Variants in MYCBP2 observed in about 807,000 individuals in gnomAD.
MYCBP2 encodes E3 ubiquitin-protein ligase MYCBP2.
Under a neutral mutation model 525.3 loss-of-function variants are expected in MYCBP2, and 120 were observed. That is an observed-to-expected ratio of 0.23 (90% CI 0.20 to 0.27). The LOEUF is 0.27. Among genes scored for constraint, MYCBP2 ranks in the 10% least tolerant of loss-of-function variants. The pLI, the probability that MYCBP2 is intolerant of heterozygous loss-of-function variation, is 1.00. For synonymous variants in MYCBP2, 1,894 were observed against 1,955.8 expected (o/e 0.97, Z 0.83); for missense variants, 4,149 against 5,657.1 (o/e 0.73, Z 8.55).
intron 55 of MYCBP2, among the ~76,000 whole-genome samples, chr13:77,103,015 C>A (rs918942411): frequency 1.3e-5 from 2 of 151,760 alleles, no homozygotes; most frequent in Non-Finnish European, 2.9e-5. Flanking sequence ...TGCATAGCTA[C>A]TGGGATAATC....
At chr13:77,060,035 T>C (rs891714176) in intron 76 of MYCBP2, among the ~76,000 whole-genome samples, 1 of 152,118 alleles carries the variant, frequency 6.6e-6, no homozygotes, top group African/African-American at 2.4e-5. Flanking sequence ...TTATAAGGCA[T>C]GGTATAAAGC....
At chr13:77,264,215 T>A (rs189568507) in intron 8 of MYCBP2, among the ~76,000 whole-genome samples, 10 of 152,166 alleles carry the variant, frequency 6.6e-5, no homozygotes. Flanking sequence ...AAATCTTCCA[T>A]AACCAAGGAC....
At chr13:77,050,903 G>A in intron 82 of MYCBP2, 94 bp downstream of exon 82, 1 of 1,125,664 alleles carries the variant, frequency 8.9e-7, no homozygotes, top group Non-Finnish European at 1.3e-6. Context: ...TTTGAATTGA[G>A]TTTCTGTCAC....
At chr13:77,303,420 ATTCTT>A (rs1168128600) in intron 1 of MYCBP2, among the ~76,000 whole-genome samples, 1 of 152,230 alleles carries the variant, frequency 6.6e-6, no homozygotes, top group Non-Finnish European at 1.5e-5. Context: ...TAGAATACAT[ATTCTT>A]TTCAAGTGCA....
At chr13:77,117,031 C>T (rs989866339) in intron 55 of MYCBP2, among the ~76,000 whole-genome samples, 1 of 151,936 alleles carries the variant, frequency 6.6e-6, no homozygotes, top group Admixed American at 6.6e-5. Flanking sequence ...CCTGACTGAT[C>T]CTGATATTTT....
At position 77,067,933 on chromosome 13, in the gene MYCBP2, T is replaced by C. The variant is rs2040472077; in HGVS notation, c.12172-69A>G. The stretch of plus-strand genomic sequence containing the variant: ...TGTTTTAAGGTTTCTTTTATTTCTC[T>C]TTTCTTTTTTTAAAGACAGGGTCTT... On this transcript the variant is annotated intron_variant, in intron 70 of 82. Transcript: ENST00000544440. 3.4e-6 allele frequency: 5 copies of C among 1,452,920 alleles called. No individual in the cohort carries two copies. In the South Asian group the frequency reaches 5.5e-5, roughly 16 times the overall value. The allele number at this position is 1,452,920 out of a possible 1,614,324, so 90.0% of individuals were successfully genotyped here.
intron 55 of MYCBP2, among the ~76,000 whole-genome samples, chr13:77,104,061 T>TA (rs1401202652): frequency 6.6e-6 from 1 of 152,090 alleles, no homozygotes; most frequent in Non-Finnish European, 1.5e-5. Flanking sequence ...TGCAGTCTTT[T>TA]AAAAGCAGTA....
chr13:77,058,498 T>G lies in MYCBP2; in HGVS notation c.13141-92A>C, dbSNP rs1262602446. The G allele has an allele frequency of 1.8e-6, 2 of 1,142,598 alleles. No homozygotes were observed. Among genetic ancestry groups the G allele is most frequent in the Non-Finnish European group, 1.2e-6 (1 of 835,276 alleles). 70.8% of individuals were successfully genotyped at this position (1,142,598 alleles called of 1,614,324 possible). ...ATTATATAAATTTCCAAAGATTACT[T>G]TCCCACAGGAAGTATCTATGCAGGC... is the stretch of plus-strand genomic sequence containing the variant. On this transcript the variant is annotated intron_variant, in intron 77 of 82. Coordinates refer to ENST00000544440, the MANE Select transcript of MYCBP2 (RefSeq NM_015057.5). This position sits in a 1 kb window ranked among gnomAD's most constrained non-coding sequence, Gnocchi z 4.1.
At position 77,140,077 on chromosome 13, in the gene MYCBP2, T is replaced by A; in HGVS notation, c.7488A>T (p.Lys2496Asn). The A allele has an allele frequency of 1.2e-6, 2 of 1,612,402 alleles. No homozygotes were observed. Among genetic ancestry groups the A allele is most frequent in the Non-Finnish European group, 1.7e-6 (2 of 1,179,528 alleles). ...CAATAAAAGTGATAGTTCCATTGACTTTCACTATGCCTATCTGCTCACTCT... is the reference window on the plus strand; with the variant it reads ...CAATAAAAGTGATAGTTCCATTGACATTCACTATGCCTATCTGCTCACTCT... ...SLQSEQIGIV[K>N]VNGTITFIDE... Residue 2496 changes from lysine (K) to asparagine (N), a missense_variant, in exon 51 of 83, where the codon AAA becomes AAT. Lys to Asn is a moderately conservative substitution (Grantham distance 94). This residue lies in a region of MYCBP2 where 692 missense variants were observed against 852.7 expected (regional missense o/e 0.81). Coordinates refer to ENST00000544440, the MANE Select transcript of MYCBP2 (RefSeq NM_015057.5).
At chr13:77,117,634 A>G (rs1444574784) in intron 55 of MYCBP2, among the ~76,000 whole-genome samples, 1 of 152,170 alleles carries the variant, frequency 6.6e-6, no homozygotes, top group South Asian at 2.1e-4. Flanking sequence ...AGCTCATTCA[A>G]TTAATGTGTT....
chr13:77,217,686 G>A (rs2065013975), intron 21 of MYCBP2, among the ~76,000 whole-genome samples, 154 bp downstream of exon 21: 2 of 152,086 alleles, frequency 1.3e-5, no homozygotes, highest in Non-Finnish European at 2.9e-5. Context: ...TTCAGGTTTA[G>A]TGTGTGTTGG....
chr13:77,130,620 G>A (rs1406599297), intron 52 of MYCBP2, among the ~76,000 whole-genome samples: 1 of 152,048 alleles, frequency 6.6e-6, no homozygotes, highest in African/African-American at 2.4e-5. Context: ...TTTAGGTAAA[G>A]TGAAAAACAT....
intron 26 of MYCBP2, among the ~76,000 whole-genome samples, chr13:77,200,854 T>A (rs913122680): frequency 6.6e-6 from 1 of 152,016 alleles, no homozygotes; most frequent in African/African-American, 2.4e-5. Flanking sequence ...AGAGATTTTG[T>A]CACCACCAGG....
chr13:77,241,369 T>C (rs1400349901), intron 17 of MYCBP2, among the ~76,000 whole-genome samples: 1 of 152,180 alleles, frequency 6.6e-6, no homozygotes, highest in Non-Finnish European at 1.5e-5. Flanking sequence ...TAATTAAGTG[T>C]AAGGATGTGC....
At chr13:77,149,607 A>C (rs1264947946) in intron 47 of MYCBP2, among the ~76,000 whole-genome samples, 1 of 152,162 alleles carries the variant, frequency 6.6e-6, no homozygotes, top group Non-Finnish European at 1.5e-5. Context: ...CTGTACATCT[A>C]ACTTTGTTTT....
intron 55 of MYCBP2, chr13:77,118,609 G>A: frequency 1.7e-6 from 1 of 581,196 alleles, no homozygotes; most frequent in South Asian, 2.2e-5. Context: ...ATAAAACCAT[G>A]CCAATTCAGA....
intron 76 of MYCBP2, 92 bp downstream of exon 76, chr13:77,061,077 T>C: frequency 1.5e-5 from 20 of 1,311,120 alleles, no homozygotes; most frequent in Non-Finnish European, 2.1e-5. Context: ...CATCAGAATA[T>C]CACTCAAAAT....
intron 1 of MYCBP2, among the ~76,000 whole-genome samples, chr13:77,325,482 C>T (rs959537839): frequency 4.6e-5 from 7 of 151,378 alleles, no homozygotes; most frequent in African/African-American, 1.7e-4. Context: ...GAGCCCTCAG[C>T]AAAAAAAAGC....
At chr13:77,089,663 T>A (rs992533905) in intron 60 of MYCBP2, among the ~76,000 whole-genome samples, 21 of 151,316 alleles carry the variant, frequency 1.4e-4, no homozygotes, top group South Asian at 2.1e-4. Flanking sequence ...TTTTTTTTTT[T>A]AAATCGATTA....
Sources: gnomAD v4.1 joint callset for allele counts (sites outside exome capture counted in the v4.1 genomes callset) on GRCh38, gnomAD v4.1.1 for gene constraint, gnomAD v4.1.1 regional missense constraint, Gnocchi (gnomAD v3.1) non-coding constraint, MANE v1.5 for transcripts, NCBI Gene and HGNC (gene_info 2026-07-23, HGNC 2026-07-21) for gene names.